AHCTF1: variants seen among roughly 807,000 people sequenced by gnomAD.
AHCTF1 encodes the protein AT-hook containing transcription factor 1, also known as protein ELYS.
Under a neutral mutation model 248.4 loss-of-function variants are expected in AHCTF1, and 24 were observed. That is an observed-to-expected ratio of 0.10 (90% CI 0.07 to 0.14). The LOEUF (loss-of-function observed/expected upper bound fraction) is 0.14. Among genes scored for constraint, AHCTF1 ranks in the 10% least tolerant of loss-of-function variants. The pLI, the probability that AHCTF1 is intolerant of heterozygous loss-of-function variation, is 1.00. For synonymous variants in AHCTF1, 786 were observed against 929.8 expected, an observed-to-expected ratio of 0.85 and a Z score of 2.81; for missense variants, 2,206 against 2,636.2, an observed-to-expected ratio of 0.84 and a Z score of 3.57.
At chr1:246,904,172 T>C (rs1033591463) in intron 6 of AHCTF1, 139 bp from the exon 7 acceptor site, 1 of 627,914 alleles carries the variant, frequency 1.6e-6, no homozygotes, top group Non-Finnish European at 2.8e-6. Context: ...TAGTTTTCGG[T>C]AATTTTTATA....
rs375470134 is a variant in AHCTF1 at position 246,850,382 on chromosome 1, A to G, written c.5624T>C (p.Ile1875Thr). The G allele has an allele frequency of 8.1e-6, 13 of 1,611,838 alleles. No homozygotes were observed. The African/African-American group carries it at 9.4e-5, about 12-fold the overall frequency. Reference sequence around the variant, plus strand: ...TTCCTGATTTTCTACAGATCTTTTAATTCTTCTAGGAGTCCTTTTTGTAAC... The same window carrying G: ...TTCCTGATTTTCTACAGATCTTTTAGTTCTTCTAGGAGTCCTTTTTGTAAC... ...SSVTKRTPRR[I>T]KRSVENQESV... The change falls in exon 33 of 36, where the codon ATT becomes ACT. Residue 1875 changes from isoleucine to threonine, a missense_variant. Coordinates refer to ENST00000648844, the MANE Select transcript of AHCTF1 (RefSeq NM_001323342.2).
rs1667382907 is a variant in AHCTF1 at position 246,931,853 on chromosome 1, C to G, written c.-283G>C. On this transcript the variant is annotated 5_prime_UTR_variant, in exon 1 of 36. Transcript: ENST00000648844. ...CAGCGGCTAAAACGCAGTCGCTGCT[C>G]CCGCCGCGCTTCTGGGTCCTTCCCC... 6.6e-6 allele frequency: 1 copy of G among 152,430 alleles called. No individual in the cohort carries two copies. Among genetic ancestry groups the G allele is most frequent in the Non-Finnish European group, 1.5e-5 (1 of 68,326 alleles). The allele number at this position is 152,430 out of a possible 1,614,324, so 9.4% of individuals were successfully genotyped here.
At chr1:246,856,249 A>G (rs1460727367) in intron 30 of AHCTF1, among the ~76,000 whole-genome samples, 2 of 152,240 alleles carry the variant, frequency 1.3e-5, no homozygotes, top group Admixed American at 6.5e-5. Context: ...TAAATGACTC[A>G]GAATAAGAGA....
At chr1:246,875,671 A>G (rs1434405006) in intron 24 of AHCTF1, among the ~76,000 whole-genome samples, 1 of 152,240 alleles carries the variant, frequency 6.6e-6, no homozygotes, top group Admixed American at 6.5e-5. Context: ...GCAGCCATCA[A>G]CATTGAGACA....
At chr1:246,919,282 G>A (rs990620596) in intron 1 of AHCTF1, among the ~76,000 whole-genome samples, 14 of 152,160 alleles carry the variant, frequency 9.2e-5, no homozygotes, top group Admixed American at 3.9e-4. Context: ...GCCTAAAGGT[G>A]AGCAAGAACA....
chr1:246,916,482 T>A (rs980755565), intron 2 of AHCTF1, 87 bp from the exon 3 acceptor site: 1 of 1,187,050 alleles, frequency 8.4e-7, no homozygotes, highest in Non-Finnish European at 1.2e-6. Flanking sequence ...CAACTATATG[T>A]TCATTACATA....
At chr1:246,899,094 A>C (rs12739487) in intron 11 of AHCTF1, among the ~76,000 whole-genome samples, 30,443 of 152,128 alleles carry the variant, frequency 0.2, 3,315 homozygotes, top group Admixed American at 0.24. Context: ...CGTCTCAAAA[A>C]GAGAAAAGTA....
At chr1:246,883,062 A>G (rs902390453) in intron 21 of AHCTF1, among the ~76,000 whole-genome samples, 2 of 152,232 alleles carry the variant, frequency 1.3e-5, no homozygotes, top group Non-Finnish European at 2.9e-5. Flanking sequence ...GTGCAAATTA[A>G]TAAACAATAT....
rs1661138868 is a variant in AHCTF1 at position 246,856,792 on chromosome 1, A to AT, written c.4256+898dup. 2.6e-5 allele frequency among the ~76,000 whole-genome samples: 4 copies of AT among 152,224 alleles called. No homozygotes were observed. The South Asian group carries it at 8.3e-4, about 31-fold the overall frequency. ...AGATTTCTCAGGCGTAAAGCATGTG[A>AT]TTTAGTTCAAGGTACAAGGGGTGAC... is the stretch of plus-strand genomic sequence containing the variant. On this transcript the variant is annotated intron_variant, in intron 30 of 35. Coordinates refer to ENST00000648844, the MANE Select transcript of AHCTF1 (RefSeq NM_001323342.2).
Position 246,887,289 on chromosome 1 carries a change from G to C in AHCTF1, c.2394C>G (p.Phe798Leu), listed in dbSNP as rs1663885197. ...CCCAAGAAATGGCAAATACAGTTGGGAAAGATTCAATGGGAGTGTCTGTTT... is the reference window on the plus strand; with the variant it reads ...CCCAAGAAATGGCAAATACAGTTGGCAAAGATTCAATGGGAGTGTCTGTTT... ...PNKTDTPIES[F>L]PTVFAISWGQ... Residue 798 changes from phenylalanine to leucine, a missense_variant, in exon 20 of 36, where the codon TTC becomes TTG. Phe to Leu is a conservative substitution (Grantham distance 22). Coordinates refer to ENST00000648844, the MANE Select transcript of AHCTF1 (RefSeq NM_001323342.2). 6.2e-7 allele frequency: 1 copy of C among 1,613,414 alleles called. No individual in the cohort carries two copies. Among genetic ancestry groups the C allele is most frequent in the Non-Finnish European group, 8.5e-7 (1 of 1,179,660 alleles).
chr1:246,900,502 T>G (rs1298301379), intron 8 of AHCTF1, 33 bp from the exon 9 acceptor site: 3 of 1,570,988 alleles, frequency 1.9e-6, no homozygotes, highest in South Asian at 2.4e-5. Context: ...AAAAACAGAA[T>G]AAAGAATCTC....
intron 1 of AHCTF1, among the ~76,000 whole-genome samples, chr1:246,929,764 T>C (rs961487168): frequency 1.3e-5 from 2 of 152,078 alleles, no homozygotes; most frequent in African/African-American, 2.4e-5. Flanking sequence ...TTAAAATATA[T>C]CTGTACCAGC....
chr1:246,867,955 T>G, intron 24 of AHCTF1, 144 bp from the exon 25 acceptor site: 1 of 257,778 alleles, frequency 3.9e-6, no homozygotes. Context: ...ATTTTAATTA[T>G]ATATATATAA....
intron 11 of AHCTF1, 55 bp from the exon 12 acceptor site, chr1:246,898,391 TTTAAGA>T: frequency 6.6e-7 from 1 of 1,521,408 alleles, no homozygotes; most frequent in East Asian, 2.3e-5. Context: ...AATAATCAAA[TTTAAGA>T]TTAATTAATT....
At position 246,891,775 on chromosome 1, in the gene AHCTF1, G is replaced by GT; in HGVS notation, c.1945+3dup. On this transcript the variant is annotated splice_donor_region_variant and intron_variant, in intron 15 of 35. Transcript: ENST00000648844. ...ACACTCATTTGATAAAACAAAGAGC[G>GT]TACCTCTCTCAGTGATCTCTCGGGC... is the stretch of plus-strand genomic sequence containing the variant. 1.2e-6 allele frequency: 2 copies of GT among 1,607,598 alleles called. No homozygotes were observed.
At chr1:246,852,034 A>G (rs528165475) in intron 32 of AHCTF1, 1 of 152,856 alleles carries the variant, frequency 6.5e-6, no homozygotes, top group African/African-American at 2.4e-5. Flanking sequence ...GGTCCTTGCA[A>G]TTACCTTTTG....
chr1:246,900,620 A>G, intron 8 of AHCTF1, 151 bp from the exon 9 acceptor site: 1 of 864,546 alleles, frequency 1.2e-6, no homozygotes, highest in Non-Finnish European at 1.7e-6. Flanking sequence ...ATTTGTATGT[A>G]AGACCAGATT....
chr1:246,858,045 T>C lies in AHCTF1; in HGVS notation c.4133-231A>G, dbSNP rs540840495. Among the ~76,000 whole-genome samples the C allele has an allele frequency of 3.5e-4, 53 of 151,610 alleles. 1 individual carries two copies. The highest frequency in any genetic ancestry group is 3.0e-3 in the Admixed American group (46 of 15,202). Reference sequence around the variant, plus strand: ...CGCTATCTTGGCTCACTGCAAGCTCTGCCTCCCAGGTTCACGCCATTCTCC... The same window carrying C: ...CGCTATCTTGGCTCACTGCAAGCTCCGCCTCCCAGGTTCACGCCATTCTCC... On this transcript the variant is annotated intron_variant, in intron 29 of 35. Coordinates refer to ENST00000648844, the MANE Select transcript of AHCTF1 (RefSeq NM_001323342.2).
chr1:246,842,707 T>G lies in AHCTF1; in HGVS notation c.6595A>C (p.Lys2199Gln). The G allele has an allele frequency of 1.2e-6, 2 of 1,613,510 alleles. No individual in the cohort carries two copies. The highest frequency in any genetic ancestry group is 1.7e-6 in the Non-Finnish European group (2 of 1,179,982). Residue 2199 changes from lysine (K) to glutamine (Q), a missense_variant, in exon 35 of 36, where the codon AAA becomes CAA. By Grantham distance (53) the Lys-to-Gln change is moderately conservative (BLOSUM62 1). Around this residue, in one of 6 missense-constraint regions of AHCTF1, gnomAD observed 469 missense variants for 470.0 expected, o/e 1.00. Transcript: ENST00000648844. ...KAKRIRTSKTKQASKNTEKES... is the reference protein window; with the variant it reads ...KAKRIRTSKTQQASKNTEKES... ...AGAAAGTCATACTTGCTTGCTTGTT[T>G]TGTTTTTGACGTCCTGATTCGTTTC... is the stretch of plus-strand genomic sequence containing the variant.
Sources: allele counts gnomAD v4.1 joint callset (sites outside exome capture counted in the v4.1 genomes callset), GRCh38; gene constraint gnomAD v4.1.1; regional missense constraint gnomAD v4.1.1; transcripts MANE v1.5; gene names NCBI Gene and HGNC (gene_info 2026-07-23, HGNC 2026-07-21).